The following PROX2 variants were observed in gnomAD, a reference collection of about 807,000 sequenced individuals.
PROX2 encodes prospero homeobox protein 2.
PROX2 carries 46 observed loss-of-function variants against 48.9 expected under a neutral mutation model. The ratio of observed to expected loss-of-function variants is 0.94; its 90% CI spans 0.74 to 1.20. The LOEUF is 1.20. Among genes scored for constraint, PROX2 ranks in the 50% most tolerant of loss-of-function variants. PROX2 has a pLI of 0.00. For synonymous variants in PROX2, 260 were observed against 276.6 expected (o/e 0.94, Z 0.60); for missense variants, 663 against 719.4 (o/e 0.92, Z 0.90).
Position 74,854,706 on chromosome 14 carries a change from A to G in PROX2, c.*426T>C, listed in dbSNP as rs2091729166. On this transcript the variant is annotated 3_prime_UTR_variant, in exon 6 of 6. Transcript: ENST00000556489. ...AAAACAGCAATTTGTAAAAACCCCA[A>G]ATAAGATAACCTTATCTGAAAGAGG... The G allele has an allele frequency of 6.5e-6, 1 of 154,858 alleles. No homozygotes were observed. The highest frequency in any genetic ancestry group is 2.0e-4 in the South Asian group (1 of 4,924). 9.6% of individuals were successfully genotyped at this position (154,858 alleles called of 1,614,324 possible). A position where few individuals can be genotyped will look rare whatever the true frequency, so the allele number is the denominator to read the frequency against.
At position 74,862,719 on chromosome 14, in the gene PROX2, G is replaced by A. The variant is rs764716855; in HGVS notation, c.1116C>T (p.His372=). Residue 372 remains histidine, a synonymous_variant, in exon 3 of 6, where the codon CAC becomes CAT. Transcript: ENST00000556489. ...SPPQDSSSQR[H]PSSEPALRPW... Reference sequence around the variant, plus strand: ...GTCGTAGGGCAGGCTCTGAGGAGGGGTGCCTCTGGGAAGATGAGTCCTGGG... The same window carrying A: ...GTCGTAGGGCAGGCTCTGAGGAGGGATGCCTCTGGGAAGATGAGTCCTGGG... 1 of 1,613,974 alleles carries A rather than the reference G, an allele frequency of 6.2e-7. No homozygotes were observed. The highest frequency in any genetic ancestry group is 2.2e-5 in the East Asian group (1 of 44,886).
rs372079820 is a variant in PROX2 at position 74,863,794 on chromosome 14, A to G, written c.41T>C (p.Ile14Thr). 1.3e-6 allele frequency: 2 copies of G among 1,517,866 alleles called. No homozygotes were observed. Among genetic ancestry groups the G allele is most frequent in the African/African-American group, 2.8e-5 (2 of 71,722 alleles). 94.0% of individuals were successfully genotyped at this position (1,517,866 alleles called of 1,614,324 possible). ...NSILLSPQPQ[I>T]CSHLAEACTE... ...ACAAGCTTCTGCTAGGTGGGAGCAG[A>G]TCTGGGGCTGAGGAGAAAGCAAGAT... is the stretch of plus-strand genomic sequence containing the variant. Residue 14 changes from isoleucine (I) to threonine (T), a missense_variant, in exon 3 of 6, where the codon ATC (isoleucine) becomes ACC (threonine). By Grantham distance (89) the Ile-to-Thr change is moderately conservative. Transcript: ENST00000556489.
chr14:74,863,511 A>C lies in PROX2; in HGVS notation c.324T>G (p.Leu108=). Residue 108 remains leucine (L), a synonymous_variant, in exon 3 of 6, where the codon CTT becomes CTG. Transcript: ENST00000556489. ...GCATCAGGAGGCCTTGCGGTGTGGGAAGGTTCTGCTTCCTCTTCCTCTCTC... is the reference window on the plus strand; with the variant it reads ...GCATCAGGAGGCCTTGCGGTGTGGGCAGGTTCTGCTTCCTCTTCCTCTCTC... ...KARERKRKQN[L]PTPQGLLMPA... The C allele has an allele frequency of 6.2e-7, 1 of 1,613,576 alleles. No homozygotes were observed.
At chr14:74,856,049 G>C (rs2091740276) in intron 5 of PROX2, 1 of 152,362 alleles carries the variant, frequency 6.6e-6, no homozygotes, top group African/African-American at 2.4e-5. Context: ...ATTTTTTGGA[G>C]GTATCAATAA....
chr14:74,863,354 G>A lies in PROX2; in HGVS notation c.481C>T (p.Gln161Ter). The A allele has an allele frequency of 6.2e-7, 1 of 1,614,048 alleles. No individual in the cohort carries two copies. Among genetic ancestry groups the A allele is most frequent in the South Asian group, 1.1e-5 (1 of 91,084 alleles). The change falls in exon 3 of 6, where the codon CAG becomes TAG. Residue 161 changes from glutamine to a stop codon, truncating the protein, a stop_gained. Coordinates refer to ENST00000556489, the MANE Select transcript of PROX2 (RefSeq NM_001243007.2). LOFTEE classifies it high-confidence loss of function. ...CCCGTGCCACAGCCTCCTGGCCCCT[G>A]AGCTGTGTCCCTGGGCTTGGCAGCC... ...LQAAKPRDTA[Q>*]GPGGCGTGKG...
intron 3 of PROX2, among the ~76,000 whole-genome samples, chr14:74,861,419 T>G (rs2091794219): frequency 1.3e-5 from 2 of 152,232 alleles, no homozygotes; most frequent in Non-Finnish European, 2.9e-5. Flanking sequence ...TTTACTCATG[T>G]TAAAGGCTCT....
intron 5 of PROX2, 62 bp downstream of exon 5, chr14:74,856,739 A>C: frequency 6.9e-7 from 1 of 1,454,836 alleles, no homozygotes; most frequent in Non-Finnish European, 9.5e-7. Context: ...TCTTTCCTAA[A>C]ACTCGAATCA....
intron 3 of PROX2, among the ~76,000 whole-genome samples, chr14:74,859,626 G>A (rs1251227695): frequency 6.6e-6 from 1 of 152,218 alleles, no homozygotes; most frequent in Non-Finnish European, 1.5e-5. Flanking sequence ...TGCATTTTTA[G>A]GGACAGTCCT....
At chr14:74,861,098 G>A in intron 3 of PROX2, 2 of 648,780 alleles carry the variant, frequency 3.1e-6, no homozygotes, top group Non-Finnish European at 5.1e-6. Flanking sequence ...CCGGCAGGGG[G>A]CGCTCATGGC....
rs764627344 is a variant in PROX2, at chr14:74,855,108, T to C, written c.*24A>G. On this transcript the variant is annotated 3_prime_UTR_variant, in exon 6 of 6. Coordinates refer to ENST00000556489, the MANE Select transcript of PROX2 (RefSeq NM_001243007.2). ...AACCCTAGCCAGTCACTCCTCACGT[T>C]GTGGGATCTTAACCCCGAAACAGCT... 4.7e-6 allele frequency: 7 copies of C among 1,490,620 alleles called. No individual in the cohort carries two copies. Among genetic ancestry groups the C allele is most frequent in the Admixed American group, 1.9e-5 (1 of 52,034 alleles). 92.3% of individuals were successfully genotyped at this position (1,490,620 alleles called of 1,614,324 possible).
In PROX2 at chr14:74,855,050, A is replaced by G. The variant is rs2091731421; in HGVS notation, c.*82T>C. The G allele has an allele frequency of 1.1e-6, 1 of 920,386 alleles. No homozygotes were observed. The highest frequency in any genetic ancestry group is 2.8e-5 in the East Asian group (1 of 36,328). 57.0% of individuals were successfully genotyped at this position (920,386 alleles called of 1,614,324 possible). On this transcript the variant is annotated 3_prime_UTR_variant, in exon 6 of 6. Transcript: ENST00000556489. ...TTCCTTGTGCCCTTTTTATATGACT[A>G]CAGCTAAATTGCCCTTTAAGACAAA... is the stretch of plus-strand genomic sequence containing the variant.
intron 2 of PROX2, among the ~76,000 whole-genome samples, chr14:74,868,835 C>CA (rs34902627): frequency 1.6e-3 from 220 of 141,328 alleles, no homozygotes; most frequent in Middle Eastern, 3.7e-3. Flanking sequence ...GACTCCGTCT[C>CA]AAAAAAAAAA....
rs767310766 is a variant in PROX2 at position 74,863,588 on chromosome 14, C to T, written c.247G>A (p.Val83Met). 1.2e-6 allele frequency: 2 copies of T among 1,611,382 alleles called. No individual in the cohort carries two copies. Among genetic ancestry groups the T allele is most frequent in the Non-Finnish European group, 1.7e-6 (2 of 1,178,688 alleles). The change falls in exon 3 of 6, where the codon GTG (valine) becomes ATG (methionine). Residue 83 changes from valine to methionine, a missense_variant. Physicochemically the swap from Val to Met is conservative, Grantham distance 21. Coordinates refer to ENST00000556489, the MANE Select transcript of PROX2 (RefSeq NM_001243007.2). Reference protein sequence around the residue: ...RGMCLSPNPLVPGNAQAGVSP... With the variant: ...RGMCLSPNPLMPGNAQAGVSP... ...ACCCCAGCTTGCGCATTGCCTGGCA[C>T]CAGAGGATTCGGGGAGAGACACATG...
intron 1 of PROX2, chr14:74,874,392 A>G (rs559217313): frequency 4.6e-6 from 1 of 219,778 alleles, no homozygotes; most frequent in Non-Finnish European, 9.0e-6. Context: ...AGCTGGGATT[A>G]CAGGCGCCCA....
chr14:74,855,033 G>T lies in PROX2; in HGVS notation c.*99C>A. On this transcript the variant is annotated 3_prime_UTR_variant, in exon 6 of 6. Coordinates refer to ENST00000556489, the MANE Select transcript of PROX2 (RefSeq NM_001243007.2). ...GTTTTGATAGAGGAGATTTCCTTGTGCCCTTTTTATATGACTACAGCTAAA... is the reference window on the plus strand; with the variant it reads ...GTTTTGATAGAGGAGATTTCCTTGTTCCCTTTTTATATGACTACAGCTAAA... 1 of 700,004 alleles carries T rather than the reference G, an allele frequency of 1.4e-6. No homozygotes were observed. Among genetic ancestry groups the T allele is most frequent in the Non-Finnish European group, 2.2e-6 (1 of 458,502 alleles). 43.4% of individuals were successfully genotyped at this position (700,004 alleles called of 1,614,324 possible).
In PROX2 at chr14:74,856,718, C is replaced by A. The variant is rs892228745; in HGVS notation, c.1608+83G>T. Reference sequence around the variant, plus strand: ...TGGCTCTCAGTAACTTAAGGAGACACAGAAGAGGGATCTTTCCTAAAACTC... The same window carrying A: ...TGGCTCTCAGTAACTTAAGGAGACAAAGAAGAGGGATCTTTCCTAAAACTC... On this transcript the variant is annotated intron_variant, in intron 5 of 5. Coordinates refer to ENST00000556489, the MANE Select transcript of PROX2 (RefSeq NM_001243007.2). The A allele has an allele frequency of 3.3e-5, 41 of 1,249,154 alleles. No homozygotes were observed. In the African/African-American group the frequency reaches 5.8e-4, roughly 18 times the overall value. The allele number at this position is 1,249,154 out of a possible 1,614,324, so 77.4% of individuals were successfully genotyped here.
In PROX2 at chr14:74,861,093, A is replaced by AG. The variant is rs978613379; in HGVS notation, c.1305+1436dup. ...GGTGTTTCCAACACTTTTGACCGGC[A>AG]GGGGGCGCTCATGGCATTTAGGACA... On this transcript the variant is annotated intron_variant, in intron 3 of 5. Transcript: ENST00000556489. 23 of 618,298 alleles carry AG rather than the reference A, an allele frequency of 3.7e-5. No homozygotes were observed. The African/African-American group carries it at 4.3e-4, about 12-fold the overall frequency. The allele number at this position is 618,298 out of a possible 1,614,324, so 38.3% of individuals were successfully genotyped here. A position where few individuals can be genotyped will look rare whatever the true frequency, so the allele number is the denominator to read the frequency against.
chr14:74,865,480 G>C (rs1010483927), intron 2 of PROX2: 1 of 152,300 alleles, frequency 6.6e-6, no homozygotes, highest in Non-Finnish European at 1.5e-5. Flanking sequence ...GCCTAAAGCT[G>C]TTTTATTCCC....
At chr14:74,873,473 G>C (rs548958074) in intron 1 of PROX2, among the ~76,000 whole-genome samples, 14 of 152,262 alleles carry the variant, frequency 9.2e-5, no homozygotes, top group Middle Eastern at 6.8e-3. Flanking sequence ...TTCCTCCTAG[G>C]GGGGGTTCAG....
Sources: allele counts gnomAD v4.1 joint callset (sites outside exome capture counted in the v4.1 genomes callset), GRCh38; gene constraint gnomAD v4.1.1; transcripts MANE v1.5; gene names NCBI Gene and HGNC (gene_info 2026-07-23, HGNC 2026-07-21).